RBFOX1: variants seen among roughly 807,000 people sequenced by gnomAD.
RBFOX1 encodes the protein RNA binding fox-1 homolog 1, also known as RNA binding protein fox-1 homolog 1.
In RBFOX1, 8 loss-of-function variants were observed where a neutral mutation model predicts 57.7. The ratio of observed to expected loss-of-function variants is 0.14; its 90% CI spans 0.08 to 0.25. RBFOX1 has a LOEUF of 0.25. RBFOX1 is among the 10% of genes least tolerant of loss of function. RBFOX1 has a pLI of 1.00. For missense variants in RBFOX1, 611 were observed against 548.5 expected (o/e 1.11, Z -1.14); for synonymous variants, 326 against 222.4 (o/e 1.47, Z -4.15).
At chr16:6,876,558 T>C (rs1603635435) in intron 3 of RBFOX1, among the ~76,000 whole-genome samples, 1 of 152,188 alleles carries the variant, frequency 6.6e-6, no homozygotes, top group Admixed American at 6.5e-5. Flanking sequence ...AAGTCACTTC[T>C]ATAAAAATTA....
chr16:6,575,433 A>G (rs897142264), intron 2 of RBFOX1, among the ~76,000 whole-genome samples: 4 of 152,228 alleles, frequency 2.6e-5, no homozygotes, highest in Non-Finnish European at 5.9e-5. Flanking sequence ...GAGCTGATTG[A>G]TACAAACAAG....
chr16:5,498,438 C>A (rs966364354), intron 2 of RBFOX1, among the ~76,000 whole-genome samples: 1 of 152,040 alleles, frequency 6.6e-6, no homozygotes, highest in African/African-American at 2.4e-5. Flanking sequence ...AAGAACAAAG[C>A]TTGGGGAAAT....
intron 1 of RBFOX1, among the ~76,000 whole-genome samples, chr16:5,240,939 C>T (rs2062151521): frequency 6.6e-6 from 1 of 152,222 alleles, no homozygotes; most frequent in South Asian, 2.1e-4. Flanking sequence ...AGAGCTGTAC[C>T]CCTCAGTGAG....
intron 4 of RBFOX1, among the ~76,000 whole-genome samples, chr16:7,224,256 C>G (rs1275934049): frequency 6.7e-6 from 1 of 149,084 alleles, no homozygotes; most frequent in Non-Finnish European, 1.5e-5. Flanking sequence ...TTCTTTTAGT[C>G]ATCGTACAAG....
At chr16:6,779,733 T>TTA (rs1342251578) in intron 3 of RBFOX1, among the ~76,000 whole-genome samples, 10 of 64,966 alleles carry the variant, frequency 1.5e-4, no homozygotes, top group African/African-American at 4.1e-4. Flanking sequence ...TTATATATTT[T>TTA]TATATATTTT....
At chr16:5,641,518 C>T (rs2048874911) in intron 3 of RBFOX1, among the ~76,000 whole-genome samples, 2 of 152,188 alleles carry the variant, frequency 1.3e-5, no homozygotes, top group Non-Finnish European at 2.9e-5. Context: ...TTACTCAGGT[C>T]CTGGCACAGG....
intron 2 of RBFOX1, among the ~76,000 whole-genome samples, chr16:5,490,107 G>C (rs34825685): frequency 0.22 from 34,114 of 152,176 alleles, 4,291 homozygotes; most frequent in Middle Eastern, 0.32. Context: ...AGAGCTTGAT[G>C]AATCTAGGGA....
intron 1 of RBFOX1, among the ~76,000 whole-genome samples, chr16:6,039,401 G>C (rs150400145): frequency 6.7e-4 from 101 of 151,402 alleles, no homozygotes; most frequent in African/African-American, 2.2e-3. Flanking sequence ...GAAGGTTGGA[G>C]GGTAAAATGC....
At chr16:6,552,932 A>G (rs549196390) in intron 2 of RBFOX1, among the ~76,000 whole-genome samples, 7 of 152,138 alleles carry the variant, frequency 4.6e-5, no homozygotes, top group Non-Finnish European at 8.8e-5. Context: ...TCTGGTATCT[A>G]TGTTACAATC....
At chr16:7,029,079 TATACACACACACACAC>T (rs1568439739) in intron 3 of RBFOX1, among the ~76,000 whole-genome samples, 2 of 37,008 alleles carry the variant, frequency 5.4e-5, no homozygotes, top group South Asian at 1.0e-3. Flanking sequence ...TATATATATA[TATACACACACACACAC>T]ACACACACAC....
upstream of RBFOX1, among the ~76,000 whole-genome samples, chr16:6,015,589 C>T (rs748881574): frequency 6.6e-6 from 1 of 152,220 alleles, no homozygotes; most frequent in Non-Finnish European, 1.5e-5. Flanking sequence ...AGCCCCTTAA[C>T]TTCAACAGGA....
intron 4 of RBFOX1, among the ~76,000 whole-genome samples, chr16:7,073,193 T>C (rs1176668091): frequency 6.6e-6 from 1 of 152,206 alleles, no homozygotes; most frequent in African/African-American, 2.4e-5. Flanking sequence ...CTTTGTAGTC[T>C]GTGATCAACT....
chr16:6,621,987 G>T (rs143806335), intron 2 of RBFOX1, among the ~76,000 whole-genome samples: 1 of 152,170 alleles, frequency 6.6e-6, no homozygotes, highest in African/African-American at 2.4e-5. Context: ...TGCTAGGTTC[G>T]TGTTAGCCAA....
chr16:7,097,607 G>C (rs1008354512), intron 4 of RBFOX1, among the ~76,000 whole-genome samples: 1 of 152,152 alleles, frequency 6.6e-6, no homozygotes, highest in Non-Finnish European at 1.5e-5. Flanking sequence ...ATTAGATGCT[G>C]TTGCCACTCA....
chr16:6,516,244 G>C (rs1308714541), intron 2 of RBFOX1, among the ~76,000 whole-genome samples: 2 of 152,170 alleles, frequency 1.3e-5, no homozygotes, highest in Non-Finnish European at 2.9e-5. Flanking sequence ...GGCCAGGCTA[G>C]TCTCGAACTC....
intron 3 of RBFOX1, among the ~76,000 whole-genome samples, chr16:6,854,059 T>G (rs1400901597): frequency 1.1e-4 from 17 of 152,318 alleles, no homozygotes; most frequent in African/African-American, 4.1e-4. Context: ...CTTTGTTCCT[T>G]CCAGAAATCC....
chr16:5,848,494 G>A (rs1038510709), intron 3 of RBFOX1, among the ~76,000 whole-genome samples: 1 of 152,110 alleles, frequency 6.6e-6, no homozygotes, highest in African/African-American at 2.4e-5. Flanking sequence ...ATGGACTCCA[G>A]GTTAAGAGAC....
intron 3 of RBFOX1, among the ~76,000 whole-genome samples, chr16:6,981,855 A>G (rs371381599): frequency 9.9e-5 from 15 of 152,282 alleles, no homozygotes; most frequent in African/African-American, 3.6e-4. Context: ...CATCCAGTCT[A>G]CACTGATGAC....
chr16:6,055,155 T>A (rs1474610993), intron 1 of RBFOX1, among the ~76,000 whole-genome samples: 2 of 152,122 alleles, frequency 1.3e-5, no homozygotes, highest in Admixed American at 1.3e-4. Context: ...ATTTATAGTA[T>A]TTTGGAATGA....
Sources: allele counts gnomAD v4.1 joint callset (sites outside exome capture counted in the v4.1 genomes callset), GRCh38; gene constraint gnomAD v4.1.1; transcripts MANE v1.5; gene names NCBI Gene and HGNC (gene_info 2026-07-23, HGNC 2026-07-21).